Variants in SLC14A2 observed in about 807,000 individuals in gnomAD.
SLC14A2 encodes urea transporter 2.
A neutral mutation model predicts 104.6 loss-of-function variants in SLC14A2; 91 were observed. The ratio of observed to expected loss-of-function variants is 0.87; its 90% CI spans 0.73 to 1.04. The LOEUF (loss-of-function observed/expected upper bound fraction) is 1.04, where lower values mean the gene tolerates loss of function less well. Ranked by LOEUF, SLC14A2 falls within the 50% of genes least tolerant of loss-of-function variation. The pLI is 0.00. For missense variants in SLC14A2, 1,189 were observed against 1,156.0 expected, an observed-to-expected ratio of 1.03 and a Z score of -0.41; for synonymous variants, 476 against 466.4, an observed-to-expected ratio of 1.02 and a Z score of -0.27.
At chr18:45,411,194 GT>G (rs2144490793) in intron 1 of SLC14A2, among the ~76,000 whole-genome samples, 1 of 152,278 alleles carries the variant, frequency 6.6e-6, no homozygotes, top group South Asian at 2.1e-4. Flanking sequence ...AACTGACTCT[GT>G]GTGCTATGTG....
intron 1 of SLC14A2, among the ~76,000 whole-genome samples, chr18:45,351,895 A>T (rs1046407015): frequency 6.6e-6 from 1 of 152,140 alleles, no homozygotes; most frequent in Non-Finnish European, 1.5e-5. Context: ...GAAGGACTGT[A>T]ATGGGAAAGG....
intron 1 of SLC14A2, among the ~76,000 whole-genome samples, chr18:45,623,463 G>A (rs975844778): frequency 1.3e-5 from 2 of 152,232 alleles, no homozygotes; most frequent in Admixed American, 6.5e-5. Flanking sequence ...GCAGTGGGCA[G>A]TTGGAGAGGA....
At chr18:45,646,641 T>C (rs944814698) in intron 10 of SLC14A2, 1 of 152,180 alleles carries the variant, frequency 6.6e-6, no homozygotes, top group Non-Finnish European at 1.5e-5. Context: ...ATTATCGCTT[T>C]CTTTTCCCAC....
chr18:45,472,607 T>C (rs142587497), intron 1 of SLC14A2, among the ~76,000 whole-genome samples: 4,873 of 152,278 alleles, frequency 0.032, 266 homozygotes, highest in African/African-American at 0.11. Flanking sequence ...GGTTTTGATT[T>C]GCATTTCTCT....
Position 45,365,649 on chromosome 18 carries a change from T to C in SLC14A2, c.-124-117584T>C, listed in dbSNP as rs182781106. 6.0e-4 allele frequency among the ~76,000 whole-genome samples: 92 copies of C among 152,310 alleles called. 1 individual carries two copies. Among genetic ancestry groups the C allele is most frequent in the Admixed American group, 5.6e-3 (86 of 15,304 alleles). The stretch of plus-strand genomic sequence containing the variant: ...CATCGCAGAGGTTCCAGATCACCTA[T>C]ACCTCCCTGCTCGGTGCTCTTCCCC... On this transcript the variant is annotated intron_variant, in intron 1 of 20. Coordinates refer to the SLC14A2 transcript ENST00000586448.
At chr18:45,452,627 C>A (rs1175024499) in intron 1 of SLC14A2, among the ~76,000 whole-genome samples, 1 of 152,198 alleles carries the variant, frequency 6.6e-6, no homozygotes, top group African/African-American at 2.4e-5. Flanking sequence ...ACATTTCTCT[C>A]TCCAACACCA....
intron 1 of SLC14A2, among the ~76,000 whole-genome samples, chr18:45,434,974 T>G (rs2086573726): frequency 6.6e-6 from 1 of 152,204 alleles, no homozygotes; most frequent in African/African-American, 2.4e-5. Context: ...GGTATTTGAA[T>G]AATAATCTCT....
At chr18:45,512,730 A>G (rs533134582) in intron 2 of SLC14A2, among the ~76,000 whole-genome samples, 81 of 152,282 alleles carry the variant, frequency 5.3e-4, no homozygotes, top group African/African-American at 1.9e-3. Flanking sequence ...TGGTGAGGGC[A>G]CAAGATTTAC....
At chr18:45,549,837 G>A (rs1434550819) in intron 2 of SLC14A2, among the ~76,000 whole-genome samples, 1 of 152,140 alleles carries the variant, frequency 6.6e-6, no homozygotes, top group Admixed American at 6.5e-5. Flanking sequence ...TACAGTAGAT[G>A]GCTCTAGTGT....
intron 1 of SLC14A2, among the ~76,000 whole-genome samples, chr18:45,432,180 G>C (rs1192423465): frequency 6.6e-6 from 1 of 152,086 alleles, no homozygotes; most frequent in Non-Finnish European, 1.5e-5. Context: ...AAAAATAGCA[G>C]TGTTGGAAAG....
intron 1 of SLC14A2, among the ~76,000 whole-genome samples, chr18:45,411,469 A>G (rs947858113): frequency 6.6e-6 from 1 of 152,152 alleles, no homozygotes; most frequent in African/African-American, 2.4e-5. Context: ...ATCGTTTTTC[A>G]CCTTTGTGAG....
chr18:45,669,547 A>T lies in SLC14A2; in HGVS notation c.2229+49A>T, dbSNP rs199581419. 4.1e-4 allele frequency: 598 copies of T among 1,475,050 alleles called. 2 individuals carry two copies. In the Middle Eastern group the frequency reaches 0.01, roughly 25 times the overall value. 91.4% of individuals were successfully genotyped at this position (1,475,050 alleles called of 1,614,324 possible). A position where few individuals can be genotyped will look rare whatever the true frequency, so the allele number is the denominator to read the frequency against. On this transcript the variant is annotated intron_variant, in intron 16 of 19. Coordinates refer to ENST00000255226, the MANE Select transcript of SLC14A2 (RefSeq NM_007163.4). ...GGCAGGTCTGTCCACACTGGATGTTACTGGCATTTGCATATTTTGCACATC... is the reference window on the plus strand; with the variant it reads ...GGCAGGTCTGTCCACACTGGATGTTTCTGGCATTTGCATATTTTGCACATC...
At chr18:45,352,535 G>A (rs1255216620) in intron 1 of SLC14A2, among the ~76,000 whole-genome samples, 2 of 152,090 alleles carry the variant, frequency 1.3e-5, no homozygotes, top group Non-Finnish European at 2.9e-5. Context: ...TAGGCACTCG[G>A]GCTAGATTCC....
intron 2 of SLC14A2, among the ~76,000 whole-genome samples, chr18:45,531,575 A>T (rs1568262449): frequency 6.6e-6 from 1 of 151,996 alleles, no homozygotes; most frequent in Non-Finnish European, 1.5e-5. Flanking sequence ...AATCTGTTTG[A>T]GTTCATTGTA....
At chr18:45,440,887 A>AT (rs2086671847) in intron 1 of SLC14A2, among the ~76,000 whole-genome samples, 1 of 152,206 alleles carries the variant, frequency 6.6e-6, no homozygotes, top group Non-Finnish European at 1.5e-5. Context: ...TCAGTCCAGC[A>AT]TTGCTCTAGG....
intron 1 of SLC14A2, among the ~76,000 whole-genome samples, chr18:45,370,839 T>A (rs1190777654): frequency 6.6e-6 from 1 of 152,164 alleles, no homozygotes. Context: ...GTCCAAGACC[T>A]CATCATGGCT....
rs1375895252 is a variant in SLC14A2 at position 45,636,437 on chromosome 18, A to G, written c.651-553A>G. 2.0e-5 allele frequency among the ~76,000 whole-genome samples: 3 copies of G among 152,220 alleles called. No individual in the cohort carries two copies. The South Asian group carries it at 6.2e-4, about 32-fold the overall frequency. ...CCATTCTCCTTCCAAGGAAAAGATG[A>G]AGAAGACAGAGGGTACAAACAACTG... On this transcript the variant is annotated intron_variant, in intron 5 of 19. Coordinates refer to ENST00000255226, the MANE Select transcript of SLC14A2 (RefSeq NM_007163.4).
intron 16 of SLC14A2, among the ~76,000 whole-genome samples, chr18:45,671,027 A>G (rs555097733): frequency 6.6e-6 from 1 of 152,284 alleles, no homozygotes; most frequent in East Asian, 1.9e-4. Flanking sequence ...CTTGGACCAG[A>G]AACAAGAAAA....
chr18:45,550,216 T>A (rs2044038270), intron 2 of SLC14A2: 1 of 152,204 alleles, frequency 6.6e-6, no homozygotes, highest in Admixed American at 6.5e-5. Flanking sequence ...TGGGAGTCTC[T>A]TGCCAAGCAA....
Sources: allele counts gnomAD v4.1 joint callset (sites outside exome capture counted in the v4.1 genomes callset), GRCh38; gene constraint gnomAD v4.1.1; transcripts MANE v1.5; gene names NCBI Gene and HGNC (gene_info 2026-07-23, HGNC 2026-07-21).